GPR39: variants seen among roughly 807,000 people sequenced by gnomAD.
GPR39 encodes the protein G protein-coupled receptor 39, also known as zinc sensing receptor.
In GPR39, 23 loss-of-function variants were observed where a neutral mutation model predicts 18.4. The ratio of observed to expected loss-of-function variants is 1.25; its 90% confidence interval spans 0.90 to 1.77. GPR39 has a LOEUF of 1.77. GPR39 is among the 40% of genes most tolerant of loss of function. The pLI, the probability that GPR39 is intolerant of heterozygous loss-of-function variation, is 0.00. For synonymous variants in GPR39, 280 were observed against 257.9 expected, an observed-to-expected ratio of 1.09 and a Z score of -0.82; for missense variants, 647 against 602.4, an observed-to-expected ratio of 1.07 and a Z score of -0.78.
At chr2:132,542,620 A>T (rs1310662873) in intron 1 of GPR39, among the ~76,000 whole-genome samples, 1 of 151,878 alleles carries the variant, frequency 6.6e-6, no homozygotes, top group Non-Finnish European at 1.5e-5. Flanking sequence ...GCATTTGTTA[A>T]TACAGGGACT....
intron 1 of GPR39, among the ~76,000 whole-genome samples, chr2:132,486,078 A>G (rs1048373267): frequency 6.6e-6 from 1 of 152,238 alleles, no homozygotes; most frequent in Non-Finnish European, 1.5e-5. Context: ...CTCCTTGTAC[A>G]TCTCCATCGG....
At chr2:132,531,333 G>A (rs1304184428) in intron 1 of GPR39, among the ~76,000 whole-genome samples, 5 of 152,198 alleles carry the variant, frequency 3.3e-5, no homozygotes, top group Non-Finnish European at 7.3e-5. Context: ...ACCCGATACA[G>A]GAGCATCCAG....
intron 1 of GPR39, among the ~76,000 whole-genome samples, chr2:132,492,099 T>C (rs566414374): frequency 4.7e-5 from 7 of 149,786 alleles, no homozygotes; most frequent in Non-Finnish European, 5.9e-5. Flanking sequence ...CATATATATA[T>C]ACATACCATA....
intron 1 of GPR39, among the ~76,000 whole-genome samples, chr2:132,491,877 T>A (rs897572427): frequency 6.6e-6 from 1 of 151,888 alleles, no homozygotes; most frequent in Admixed American, 6.6e-5. Flanking sequence ...TAATGATGCT[T>A]ACTCCATCCT....
intron 1 of GPR39, among the ~76,000 whole-genome samples, chr2:132,512,999 C>T (rs1200608166): frequency 6.6e-6 from 1 of 152,138 alleles, no homozygotes; most frequent in Non-Finnish European, 1.5e-5. Context: ...GCTGGGCAGT[C>T]CTTCTGTGCC....
chr2:132,578,942 T>G (rs1319895080), intron 1 of GPR39, among the ~76,000 whole-genome samples: 1 of 151,966 alleles, frequency 6.6e-6, no homozygotes, highest in African/African-American at 2.4e-5. Context: ...ATTTTTAAAA[T>G]TTCAATTTCA....
chr2:132,569,069 G>T (rs1251066946), intron 1 of GPR39, among the ~76,000 whole-genome samples: 1 of 152,118 alleles, frequency 6.6e-6, no homozygotes, highest in Non-Finnish European at 1.5e-5. Flanking sequence ...CCCAAGGGTT[G>T]TTGCTATGGT....
intron 1 of GPR39, among the ~76,000 whole-genome samples, chr2:132,593,857 A>T (rs1222992976): frequency 1.3e-5 from 2 of 152,138 alleles, no homozygotes; most frequent in African/African-American, 2.4e-5. Flanking sequence ...GGAGGAAAGA[A>T]GCGCTCTCCA....
At chr2:132,513,452 G>C (rs189878606) in intron 1 of GPR39, among the ~76,000 whole-genome samples, 1 of 128,024 alleles carries the variant, frequency 7.8e-6, no homozygotes, top group African/African-American at 2.9e-5. Context: ...GACAGAGCAA[G>C]ACTCTGTCTC....
chr2:132,529,079 C>T (rs764495692), intron 1 of GPR39, among the ~76,000 whole-genome samples: 4 of 152,172 alleles, frequency 2.6e-5, no homozygotes, highest in Non-Finnish European at 5.9e-5. Flanking sequence ...CCAGGAAGCA[C>T]AAGGGGTCAG....
chr2:132,618,715 G>C (rs2104857221), intron 1 of GPR39, among the ~76,000 whole-genome samples: 1 of 152,196 alleles, frequency 6.6e-6, no homozygotes, highest in South Asian at 2.1e-4. Flanking sequence ...AGGCTGCCTG[G>C]GTTTTCTTAT....
chr2:132,620,010 A>G (rs952196824), intron 1 of GPR39, among the ~76,000 whole-genome samples: 1 of 152,104 alleles, frequency 6.6e-6, no homozygotes, highest in Admixed American at 6.5e-5. Context: ...TAATCTGCCA[A>G]ACCCACTGGT....
chr2:132,591,079 G>A (rs541371961), intron 1 of GPR39, among the ~76,000 whole-genome samples: 59 of 150,054 alleles, frequency 3.9e-4, no homozygotes, highest in South Asian at 3.9e-3. Flanking sequence ...GTGAAACCCC[G>A]TCTCTACTAA....
chr2:132,603,847 T>C (rs947669984), intron 1 of GPR39, among the ~76,000 whole-genome samples: 7 of 152,184 alleles, frequency 4.6e-5, no homozygotes, highest in Admixed American at 4.6e-4. Flanking sequence ...TGACTTATGC[T>C]AAGGACAGAA....
At chr2:132,440,802 C>T (rs1264236261) in intron 1 of GPR39, among the ~76,000 whole-genome samples, 2 of 152,068 alleles carry the variant, frequency 1.3e-5, no homozygotes, top group African/African-American at 4.8e-5. Flanking sequence ...TCAAAAGAGG[C>T]TAAAGTGGCT....
intron 1 of GPR39, among the ~76,000 whole-genome samples, chr2:132,487,153 A>G (rs1573625832): frequency 6.6e-6 from 1 of 152,180 alleles, no homozygotes; most frequent in East Asian, 1.9e-4. Context: ...CATTAAGTTC[A>G]CCATCTTATA....
intron 1 of GPR39, among the ~76,000 whole-genome samples, chr2:132,614,714 C>G (rs1373847892): frequency 6.6e-6 from 1 of 152,076 alleles, no homozygotes; most frequent in African/African-American, 2.4e-5. Flanking sequence ...CCACACCAGG[C>G]TAATTTTTTT....
intron 1 of GPR39, among the ~76,000 whole-genome samples, chr2:132,545,417 T>C (rs1179856238): frequency 6.6e-6 from 1 of 152,224 alleles, no homozygotes; most frequent in African/African-American, 2.4e-5. Context: ...AACTCTCTCA[T>C]GTTCTATTGT....
chr2:132,491,490 C>G (rs1378655166), intron 1 of GPR39, among the ~76,000 whole-genome samples: 1 of 151,864 alleles, frequency 6.6e-6, no homozygotes, highest in African/African-American at 2.4e-5. Flanking sequence ...AGCACAATTC[C>G]TGGGATACAA....
Sources: gnomAD v4.1 joint callset for allele counts (sites outside exome capture counted in the v4.1 genomes callset) on GRCh38, gnomAD v4.1.1 for gene constraint, MANE v1.5 for transcripts, NCBI Gene and HGNC (gene_info 2026-07-23, HGNC 2026-07-21) for gene names.